Variants in GLYATL2 observed in about 807,000 individuals in gnomAD.
GLYATL2 encodes the protein glycine-N-acyltransferase like 2.
Under a neutral mutation model 21.4 loss-of-function variants are expected in GLYATL2, and 25 were observed. The ratio of observed to expected loss-of-function variants is 1.17; its 90% confidence interval spans 0.85 to 1.63. The LOEUF is 1.63. Ranked by LOEUF, GLYATL2 falls within the 40% of genes most tolerant of loss-of-function variation. The pLI, the probability that GLYATL2 is intolerant of heterozygous loss-of-function variation, is 0.00. For synonymous variants in GLYATL2, 114 were observed against 118.2 expected (o/e 0.96, Z 0.23); for missense variants, 361 against 343.3 (o/e 1.05, Z -0.41).
chr11:58,903,517 A>G (rs143476305), intron 1 of GLYATL2, among the ~76,000 whole-genome samples: 4 of 152,210 alleles, frequency 2.6e-5, no homozygotes, highest in African/African-American at 7.2e-5. Flanking sequence ...TATTAAAAAT[A>G]CAAAAAGTAT....
At chr11:58,892,083 A>G (rs544736386) in intron 1 of GLYATL2, 3 of 152,310 alleles carry the variant, frequency 2.0e-5, no homozygotes, top group Non-Finnish European at 4.4e-5. Flanking sequence ...TTTATTATCC[A>G]TGTGCCCAAC....
chr11:58,902,097 A>G (rs1854750131), intron 1 of GLYATL2, among the ~76,000 whole-genome samples: 1 of 152,164 alleles, frequency 6.6e-6, no homozygotes, highest in Non-Finnish European at 1.5e-5. Flanking sequence ...GTTAGCTGCC[A>G]GTACTTCAAG....
chr11:58,862,287 C>A (rs570434860), intron 1 of GLYATL2, among the ~76,000 whole-genome samples: 23 of 152,172 alleles, frequency 1.5e-4, no homozygotes, highest in Non-Finnish European at 3.1e-4. Flanking sequence ...ATCTTGTATT[C>A]TTGAAGGGAT....
chr11:58,855,521 C>T (rs184238414), intron 1 of GLYATL2, among the ~76,000 whole-genome samples: 1 of 152,314 alleles, frequency 6.6e-6, no homozygotes, highest in East Asian at 1.9e-4. Context: ...CTCTATTTAG[C>T]ATAATTCTTA....
chr11:58,862,025 A>G (rs1853940245), intron 1 of GLYATL2, among the ~76,000 whole-genome samples: 1 of 141,690 alleles, frequency 7.1e-6, no homozygotes, highest in African/African-American at 2.6e-5. Context: ...CAAAGTTTTT[A>G]ATCTCTCCAT....
chr11:58,900,995 G>A (rs1193090143), intron 1 of GLYATL2, among the ~76,000 whole-genome samples: 2 of 151,996 alleles, frequency 1.3e-5, no homozygotes, highest in Non-Finnish European at 1.5e-5. Context: ...CAGCACGCGG[G>A]AATATACCAA....
At chr11:58,848,773 G>A (rs113444353), upstream of GLYATL2, among the ~76,000 whole-genome samples, 1 of 4,466 alleles carries the variant, frequency 2.2e-4, no homozygotes, top group Non-Finnish European at 0.013. Context: ...AGATGGAGAT[G>A]GGGTAGAAAG....
At chr11:58,905,315 C>A, upstream of GLYATL2, 1 of 391,066 alleles carries the variant, frequency 2.6e-6, no homozygotes, top group South Asian at 1.9e-5. Flanking sequence ...GCCTGCTCTG[C>A]GACTTGCAGT....
upstream of GLYATL2, chr11:58,905,673 C>A (rs1220112539): frequency 2.2e-6 from 1 of 446,934 alleles, no homozygotes. Context: ...TACGCGGGAA[C>A]TGGCTGTGGA....
chr11:58,835,047 G>A (rs1853404327), intron 5 of GLYATL2, among the ~76,000 whole-genome samples: 1 of 152,082 alleles, frequency 6.6e-6, no homozygotes, highest in African/African-American at 2.4e-5. Context: ...CCATTTAATA[G>A]CAGAGAGACA....
intron 1 of GLYATL2, among the ~76,000 whole-genome samples, chr11:58,858,471 A>T (rs115405800): frequency 0.87 from 130,922 of 150,096 alleles, 58,369 homozygotes; most frequent in Non-Finnish European, 0.97. Flanking sequence ...GCTTTTTTAA[A>T]AAAAAAAAAA....
rs565224831 is a variant in GLYATL2, at chr11:58,861,981, T to A, written n.61-23613A>T. ...AGCATTTCCTGTAAGACAGCTCTGA[T>A]GGTGATAAACTCCCTCAATTTTTGT... On this transcript the variant is annotated intron_variant and non_coding_transcript_variant, in intron 1 of 4. Transcript: ENST00000533636. 5.9e-5 allele frequency among the ~76,000 whole-genome samples: 9 copies of A among 152,264 alleles called. No individual in the cohort carries two copies. In the East Asian group the frequency reaches 1.7e-3, roughly 29 times the overall value.
At chr11:58,851,781 C>T (rs1853745520) in intron 1 of GLYATL2, among the ~76,000 whole-genome samples, 1 of 152,134 alleles carries the variant, frequency 6.6e-6, no homozygotes, top group South Asian at 2.1e-4. Flanking sequence ...GTTTCTAAAT[C>T]ATCACAGGGG....
At position 58,865,706 on chromosome 11, in the gene GLYATL2, C is replaced by G. The variant is rs1471518350; in HGVS notation, n.61-27338G>C. Reference sequence around the variant, plus strand: ...AAAGTTAGGCAGGTGCTCAGATGCACTTTTTGGTCACAAAGGATGAAGGAA... The same window carrying G: ...AAAGTTAGGCAGGTGCTCAGATGCAGTTTTTGGTCACAAAGGATGAAGGAA... On this transcript the variant is annotated intron_variant and non_coding_transcript_variant, in intron 1 of 4. Coordinates refer to the GLYATL2 transcript ENST00000533636. 3.4e-5 allele frequency among the ~76,000 whole-genome samples: 4 copies of G among 117,554 alleles called. 1 individual carries two copies. Among genetic ancestry groups the G allele is most frequent in the Admixed American group, 3.1e-4 (3 of 9,562 alleles). 77.1% of individuals were successfully genotyped at this position (117,554 alleles called of 152,430 possible). A position where few individuals can be genotyped will look rare whatever the true frequency, so the allele number is the denominator to read the frequency against.
intron 1 of GLYATL2, among the ~76,000 whole-genome samples, chr11:58,902,797 G>A (rs1029447950): frequency 3.9e-5 from 6 of 152,124 alleles, no homozygotes; most frequent in Non-Finnish European, 7.3e-5. Flanking sequence ...TCTTTTTCAG[G>A]GCAAACACTC....
At chr11:58,905,799 G>A (rs1236457323), upstream of GLYATL2, 3 of 384,638 alleles carry the variant, frequency 7.8e-6, no homozygotes, top group Non-Finnish European at 1.6e-5. Context: ...CCGCCCGCGA[G>A]CGCGTGCGCC....
upstream of GLYATL2, among the ~76,000 whole-genome samples, chr11:58,846,640 A>G (rs1385289067): frequency 2.0e-5 from 3 of 152,122 alleles, no homozygotes; most frequent in Non-Finnish European, 4.4e-5. Flanking sequence ...GAGCATTTAA[A>G]CCAGTCCTAA....
At chr11:58,863,946 A>G (rs1240414237) in intron 1 of GLYATL2, among the ~76,000 whole-genome samples, 1 of 152,216 alleles carries the variant, frequency 6.6e-6, no homozygotes, top group Non-Finnish European at 1.5e-5. Context: ...AAACTGGCCT[A>G]GCCCTAGGCA....
At chr11:58,871,259 GATTTT>G (rs546574616) in intron 1 of GLYATL2, among the ~76,000 whole-genome samples, 251 of 151,786 alleles carry the variant, frequency 1.7e-3, no homozygotes, top group African/African-American at 5.6e-3. Flanking sequence ...GAGGTAGAAT[GATTTT>G]ATTTTATTTT....
Sources: allele counts gnomAD v4.1 joint callset (sites outside exome capture counted in the v4.1 genomes callset), GRCh38; gene constraint gnomAD v4.1.1; transcripts MANE v1.5; gene names NCBI Gene and HGNC (gene_info 2026-07-23, HGNC 2026-07-21).